Variants in TBC1D5 observed in about 807,000 individuals in gnomAD.
TBC1D5 encodes the protein TBC1 domain family, member 5.
In TBC1D5, 75 loss-of-function variants were observed where a neutral mutation model predicts 100.3. That is an observed-to-expected ratio of 0.75 (90% CI 0.62 to 0.91). The LOEUF (loss-of-function observed/expected upper bound fraction) is 0.91. Ranked by LOEUF, TBC1D5 falls within the 40% of genes least tolerant of loss-of-function variation. The pLI, the probability that TBC1D5 is intolerant of heterozygous loss-of-function variation, is 0.00. For missense variants in TBC1D5, 910 were observed against 942.4 expected (o/e 0.97, Z 0.45); for synonymous variants, 323 against 325.6 (o/e 0.99, Z 0.09).
intron 2 of TBC1D5, among the ~76,000 whole-genome samples, chr3:17,515,627 C>A (rs2095975315): frequency 6.6e-6 from 1 of 152,078 alleles, no homozygotes; most frequent in African/African-American, 2.4e-5. Context: ...AAAATTAAGC[C>A]AAGAATTATA....
intron 13 of TBC1D5, among the ~76,000 whole-genome samples, chr3:17,317,507 T>C (rs1419196146): frequency 2.6e-5 from 4 of 152,188 alleles, no homozygotes; most frequent in African/African-American, 9.7e-5. Flanking sequence ...GAAAGCTAAA[T>C]GGAAACAAAA....
At chr3:17,173,254 G>A (rs1296007876) in intron 19 of TBC1D5, among the ~76,000 whole-genome samples, 1 of 152,188 alleles carries the variant, frequency 6.6e-6, no homozygotes, top group East Asian at 1.9e-4. Flanking sequence ...TCAGACTCCT[G>A]AGCTTCATGA....
chr3:17,262,103 C>T (rs1447299501), intron 15 of TBC1D5, among the ~76,000 whole-genome samples: 1 of 152,114 alleles, frequency 6.6e-6, no homozygotes, highest in Non-Finnish European at 1.5e-5. Flanking sequence ...GATGGGGATA[C>T]GTCCTGAGAA....
At chr3:17,232,937 T>G (rs1471819548) in intron 17 of TBC1D5, among the ~76,000 whole-genome samples, 2 of 152,202 alleles carry the variant, frequency 1.3e-5, no homozygotes, top group East Asian at 3.8e-4. Flanking sequence ...ATTCTTAAAG[T>G]TACTCTAGGC....
chr3:17,567,016 C>T (rs985157153), intron 2 of TBC1D5, among the ~76,000 whole-genome samples: 20 of 151,834 alleles, frequency 1.3e-4, no homozygotes, highest in African/African-American at 4.3e-4. Context: ...ATTTTGTATA[C>T]ATACATAAAA....
chr3:17,294,229 G>A (rs2150208098), intron 14 of TBC1D5, among the ~76,000 whole-genome samples: 1 of 142,772 alleles, frequency 7.0e-6, no homozygotes, highest in Non-Finnish European at 1.6e-5. Flanking sequence ...TATTTACTAT[G>A]TGTTTTCAGA....
Position 17,479,981 on chromosome 3 carries a change from A to G in TBC1D5, c.97+28493T>C, listed in dbSNP as rs544703963. 3.3e-5 allele frequency among the ~76,000 whole-genome samples: 5 copies of G among 152,318 alleles called. No individual in the cohort carries two copies. In the East Asian group the frequency reaches 9.7e-4, roughly 29 times the overall value. On this transcript the variant is annotated intron_variant, in intron 3 of 21. Transcript: ENST00000253692. Reference sequence around the variant, plus strand: ...TCCCTGTGCTCTTGGGGTCCCAGGAAGCCCCTTGTCCCTGCAGCTTTGAAA... The same window carrying G: ...TCCCTGTGCTCTTGGGGTCCCAGGAGGCCCCTTGTCCCTGCAGCTTTGAAA...
At position 17,282,667 on chromosome 3, in the gene TBC1D5, A is replaced by G. The variant is rs529230411; in HGVS notation, c.1245+9228T>C. ...CTGCCCCAAATAAAAATCACTAAAC[A>G]TCTCCAAACTGACTTTAAAGATCTA... On this transcript the variant is annotated intron_variant, in intron 15 of 21. Coordinates refer to ENST00000253692, the Ensembl canonical transcript of TBC1D5. Among the ~76,000 whole-genome samples the G allele has an allele frequency of 1.8e-4, 28 of 152,356 alleles. No individual in the cohort carries two copies. The South Asian group carries it at 2.9e-3, about 16-fold the overall frequency.
intron 17 of TBC1D5, 57 bp from the exon 19 acceptor site, chr3:17,214,427 CG>C (rs1251563983): frequency 7.8e-6 from 12 of 1,535,000 alleles, no homozygotes; most frequent in Non-Finnish European, 4.4e-6. Context: ...CTAAGCTATT[CG>C]ATCTACTGTT....
chr3:17,311,110 T>A (rs1393904931), intron 13 of TBC1D5, among the ~76,000 whole-genome samples: 2 of 152,006 alleles, frequency 1.3e-5, no homozygotes, highest in Admixed American at 6.6e-5. Flanking sequence ...CCCTAAGAAA[T>A]GAGGTCTTGT....
chr3:17,341,236 G>A (rs1053184959), intron 13 of TBC1D5, among the ~76,000 whole-genome samples: 16 of 151,708 alleles, frequency 1.1e-4, no homozygotes, highest in East Asian at 1.9e-4. Flanking sequence ...TCGCTCTGTC[G>A]CCCAGGCTGG....
intron 2 of TBC1D5, among the ~76,000 whole-genome samples, chr3:17,523,647 C>A (rs938913371): frequency 2.0e-5 from 3 of 152,082 alleles, no homozygotes; most frequent in African/African-American, 7.2e-5. Context: ...TGAGAAAAAG[C>A]AGCTGCAAAA....
chr3:17,275,400 G>C (rs1432059689), intron 15 of TBC1D5, among the ~76,000 whole-genome samples: 1 of 152,026 alleles, frequency 6.6e-6, no homozygotes, highest in African/African-American at 2.4e-5. Flanking sequence ...AAATTAGCCA[G>C]GTGTAGTGGT....
At chr3:17,362,332 A>G (rs2091797110) in intron 13 of TBC1D5, among the ~76,000 whole-genome samples, 1 of 152,214 alleles carries the variant, frequency 6.6e-6, no homozygotes, top group Non-Finnish European at 1.5e-5. Flanking sequence ...AAATGAAATG[A>G]CAAGTTTCAG....
At chr3:17,400,951 G>A (rs1170545090) in intron 8 of TBC1D5, among the ~76,000 whole-genome samples, 1 of 152,042 alleles carries the variant, frequency 6.6e-6, no homozygotes, top group African/African-American at 2.4e-5. Context: ...TTAAGGTGTT[G>A]GGACTCGGAC....
intron 15 of TBC1D5, among the ~76,000 whole-genome samples, chr3:17,270,954 A>G (rs1173863139): frequency 2.6e-5 from 4 of 152,026 alleles, no homozygotes; most frequent in Non-Finnish European, 4.4e-5. Flanking sequence ...TGAGTTCTCT[A>G]TTCTGTTCCA....
At chr3:17,326,012 ATGG>A (rs1316057368) in intron 13 of TBC1D5, among the ~76,000 whole-genome samples, 1 of 152,224 alleles carries the variant, frequency 6.6e-6, no homozygotes, top group Non-Finnish European at 1.5e-5. Flanking sequence ...AGAGGAAAAA[ATGG>A]TGAAGTAGAT....
chr3:17,263,053 C>T (rs1484715169), intron 15 of TBC1D5, among the ~76,000 whole-genome samples: 1 of 151,748 alleles, frequency 6.6e-6, no homozygotes, highest in African/African-American at 2.4e-5. Context: ...ATAGCAAGAC[C>T]ACAGTCTCAA....
chr3:17,197,893 T>C (rs1156297409), intron 18 of TBC1D5, among the ~76,000 whole-genome samples: 1 of 152,110 alleles, frequency 6.6e-6, no homozygotes, highest in Middle Eastern at 3.4e-3. Flanking sequence ...AAAAATTAGC[T>C]GGACATGGTG....
Sources: gnomAD v4.1 joint callset for allele counts (sites outside exome capture counted in the v4.1 genomes callset) on GRCh38, gnomAD v4.1.1 for gene constraint, MANE v1.5 for transcripts, NCBI Gene and HGNC (gene_info 2026-07-23, HGNC 2026-07-21) for gene names.